Variants in AGAP1 observed in about 807,000 individuals in gnomAD.
The protein encoded by AGAP1 is arf-GAP with GTPase, ANK repeat and PH domain-containing protein 1.
AGAP1 carries 29 observed loss-of-function variants against 105.3 expected under a neutral mutation model. The observed-to-expected ratio is 0.28, with a 90% CI of 0.21 to 0.38. The LOEUF (loss-of-function observed/expected upper bound fraction) is 0.38, where lower values mean the gene tolerates loss of function less well. Ranked by LOEUF, AGAP1 falls within the 10% of genes least tolerant of loss-of-function variation. The pLI is 1.00. For synonymous variants in AGAP1, 509 were observed against 485.9 expected (o/e 1.05, Z -0.63); for missense variants, 998 against 1,165.1 (o/e 0.86, Z 2.09).
At chr2:236,031,177 G>A (rs1468898820) in intron 13 of AGAP1, among the ~76,000 whole-genome samples, 1 of 152,144 alleles carries the variant, frequency 6.6e-6, no homozygotes, top group East Asian at 1.9e-4. Flanking sequence ...ATGTCTGTAG[G>A]AAGTGACTCT....
rs182552702 is a variant in AGAP1 at position 235,789,737 on chromosome 2, C to G, written c.674-8022C>G. ...AAGTCAACAAAGGATTACCACCCAC[C>G]GAACCCTTTCTCCTGCTGGCTTGCT... On this transcript the variant is annotated intron_variant, in intron 6 of 17. Transcript: ENST00000304032. The surrounding 1 kb of genome is among the most constrained non-coding windows in gnomAD (Gnocchi z 4.2). Among the ~76,000 whole-genome samples, 1 of 152,310 alleles carries G rather than the reference C, an allele frequency of 6.6e-6. No homozygotes were observed. The highest frequency in any genetic ancestry group is 2.4e-5 in the African/African-American group (1 of 41,566).
intron 9 of AGAP1, among the ~76,000 whole-genome samples, chr2:235,817,332 A>G (rs1309736954): frequency 6.6e-6 from 1 of 151,996 alleles, no homozygotes; most frequent in Non-Finnish European, 1.5e-5. Flanking sequence ...CACAAGTTCT[A>G]AAGAAGGTGG....
chr2:236,067,738 C>T (rs530550663), intron 16 of AGAP1, among the ~76,000 whole-genome samples: 3 of 152,272 alleles, frequency 2.0e-5, no homozygotes, highest in African/African-American at 7.2e-5. Flanking sequence ...TCTTAACAGA[C>T]GTTCCGCACA....
At chr2:235,760,442 A>G (rs753375017) in intron 6 of AGAP1, among the ~76,000 whole-genome samples, 7 of 152,218 alleles carry the variant, frequency 4.6e-5, no homozygotes, top group Non-Finnish European at 1.0e-4. Context: ...ATGAAGCTAC[A>G]CCAGACATTT....
chr2:235,699,237 CA>C (rs1166875984), intron 1 of AGAP1, among the ~76,000 whole-genome samples: 2 of 152,060 alleles, frequency 1.3e-5, no homozygotes, highest in African/African-American at 2.4e-5. Context: ...TGAGCTGGGT[CA>C]GGGGGATGGG....
intron 10 of AGAP1, among the ~76,000 whole-genome samples, chr2:235,890,820 G>A (rs147068231): frequency 1.1e-4 from 16 of 152,022 alleles, no homozygotes; most frequent in African/African-American, 3.6e-4. Context: ...TCTGAAGAAT[G>A]TGAGCTCTAA....
intron 1 of AGAP1, among the ~76,000 whole-genome samples, chr2:235,680,399 G>A (rs1273394772): frequency 1.3e-5 from 2 of 152,140 alleles, no homozygotes; most frequent in Non-Finnish European, 1.5e-5. Flanking sequence ...CAGGGGCCCT[G>A]CAGCCCCCTC....
Position 235,620,061 on chromosome 2 carries a change from C to A in AGAP1, c.164-89118C>A, listed in dbSNP as rs947944509. On this transcript the variant is annotated intron_variant, in intron 1 of 17. Transcript: ENST00000304032. This position sits in a 1 kb window ranked among gnomAD's most constrained non-coding sequence, Gnocchi z 4.5. ...GCTGCCTTCCTGGGCCTCTGCAGCA[C>A]CTGCCCTCGGCCCCCAGGGACCTTC... Among the ~76,000 whole-genome samples the A allele has an allele frequency of 6.6e-6, 1 of 152,172 alleles. No individual in the cohort carries two copies. The highest frequency in any genetic ancestry group is 1.5e-5 in the Non-Finnish European group (1 of 68,028).
chr2:235,678,591 C>G (rs547678522), intron 1 of AGAP1, among the ~76,000 whole-genome samples: 1 of 152,204 alleles, frequency 6.6e-6, no homozygotes, highest in South Asian at 2.1e-4. Context: ...AAGTCCCATC[C>G]TAGTTTTCAA....
At chr2:235,894,286 T>C (rs958661) in intron 10 of AGAP1, among the ~76,000 whole-genome samples, 53,439 of 152,006 alleles carry the variant, frequency 0.35, 9,796 homozygotes, top group Admixed American at 0.47. Context: ...TGGCTATTCT[T>C]GGGACCGAAG....
chr2:236,099,512 A>G (rs1388112088), intron 16 of AGAP1, among the ~76,000 whole-genome samples: 1 of 152,078 alleles, frequency 6.6e-6, no homozygotes, highest in Non-Finnish European at 1.5e-5. Context: ...CATTCAGGAC[A>G]TTAAATAAGT....
intron 1 of AGAP1, among the ~76,000 whole-genome samples, chr2:235,505,043 C>T (rs1941736356): frequency 6.6e-6 from 1 of 152,144 alleles, no homozygotes; most frequent in Non-Finnish European, 1.5e-5. Flanking sequence ...CTGGGGGACT[C>T]TTTCTGGCTG....
chr2:235,653,442 C>T (rs914190020), intron 1 of AGAP1, among the ~76,000 whole-genome samples: 6 of 151,264 alleles, frequency 4.0e-5, no homozygotes, highest in African/African-American at 4.9e-5. Flanking sequence ...CCAGCCTGGG[C>T]GAAAGAGCGA....
intron 9 of AGAP1, among the ~76,000 whole-genome samples, chr2:235,862,064 G>C (rs1448925650): frequency 1.3e-5 from 2 of 152,044 alleles, no homozygotes; most frequent in Non-Finnish European, 2.9e-5. Flanking sequence ...GGATGGCTTA[G>C]CACCTGGCGA....
Position 236,092,076 on chromosome 2 carries a change from A to G in AGAP1, c.2115-28116A>G, listed in dbSNP as rs926723406. 3.3e-5 allele frequency among the ~76,000 whole-genome samples: 5 copies of G among 152,246 alleles called. No individual in the cohort carries two copies. The highest frequency in any genetic ancestry group is 1.3e-4 in the Admixed American group (2 of 15,290). ...GTATCACTGTTGATATTACAGAATT[A>G]CGGAGCTAGAGAACAGGTTAGTGGT... On this transcript the variant is annotated intron_variant, in intron 16 of 17. Transcript: ENST00000304032. The surrounding 1 kb of genome is among the most constrained non-coding windows in gnomAD (Gnocchi z 4.7).
chr2:235,956,770 G>T (rs1302526895), intron 12 of AGAP1, among the ~76,000 whole-genome samples: 2 of 152,200 alleles, frequency 1.3e-5, no homozygotes, highest in Non-Finnish European at 2.9e-5. Flanking sequence ...CCAGATCCTG[G>T]TAGGTGGCTG....
At chr2:235,922,211 G>GT (rs2052215690) in intron 11 of AGAP1, among the ~76,000 whole-genome samples, 2 of 152,216 alleles carry the variant, frequency 1.3e-5, no homozygotes, top group Admixed American at 1.3e-4. Context: ...GTCCCTGGAT[G>GT]TTTCTAAGGG....
chr2:236,071,012 CAAAG>C (rs1225121302), intron 16 of AGAP1, among the ~76,000 whole-genome samples: 8 of 152,270 alleles, frequency 5.3e-5, no homozygotes, highest in Admixed American at 2.0e-4. Flanking sequence ...TGGGAAAAAT[CAAAG>C]AGAGCATGTT....
chr2:236,017,320 A>G (rs933461341), intron 13 of AGAP1, among the ~76,000 whole-genome samples: 2 of 151,988 alleles, frequency 1.3e-5, no homozygotes, highest in Non-Finnish European at 2.9e-5. Flanking sequence ...ACATTACAGA[A>G]TTTATAAAAT....
Sources: allele counts gnomAD v4.1 joint callset (sites outside exome capture counted in the v4.1 genomes callset), GRCh38; gene constraint gnomAD v4.1.1; non-coding constraint Gnocchi (gnomAD v3.1); transcripts MANE v1.5; gene names NCBI Gene and HGNC (gene_info 2026-07-23, HGNC 2026-07-21).